The following NPIPB2 variants were observed in gnomAD, a reference collection of about 807,000 sequenced individuals.
NPIPB2 encodes nuclear pore complex-interacting protein family member B2.
Under a neutral mutation model 30.8 loss-of-function variants are expected in NPIPB2, and 27 were observed. That is an observed-to-expected ratio of 0.88 (90% CI 0.65 to 1.21). NPIPB2 has a LOEUF of 1.21. Among genes scored for constraint, NPIPB2 ranks in the 50% most tolerant of loss-of-function variants. NPIPB2 has a pLI of 0.00. For synonymous variants in NPIPB2, 147 were observed against 162.0 expected, an observed-to-expected ratio of 0.91 and a Z score of 0.70; for missense variants, 440 against 446.2, an observed-to-expected ratio of 0.99 and a Z score of 0.13.
At chr16:11,937,041 G>T (rs939491211) in intron 2 of NPIPB2, among the ~76,000 whole-genome samples, 9 of 151,724 alleles carry the variant, frequency 5.9e-5, no homozygotes, top group Non-Finnish European at 1.2e-4. Context: ...TCAGAAGAGG[G>T]TGCTCTTTAA....
chr16:11,966,444 G>A (rs11570150), intron 1 of NPIPB2: 12,829 of 1,208,622 alleles, frequency 0.011, 90 homozygotes, highest in Non-Finnish European at 0.012. Flanking sequence ...CTTCGTTACA[G>A]CCCTTTCGAA....
intron 1 of NPIPB2, among the ~76,000 whole-genome samples, chr16:11,938,750 C>A (rs2054900451): frequency 6.6e-6 from 1 of 152,006 alleles, no homozygotes; most frequent in Admixed American, 6.6e-5. Flanking sequence ...AAGTAATTAT[C>A]TTTTCTTTTT....
intron 1 of NPIPB2, among the ~76,000 whole-genome samples, chr16:11,960,859 TTTTC>T (rs1177990781): frequency 1.3e-5 from 2 of 151,694 alleles, no homozygotes; most frequent in African/African-American, 4.8e-5. Context: ...GGAGATTTTT[TTTTC>T]TTTCTTTTCT....
upstream of NPIPB2, among the ~76,000 whole-genome samples, chr16:11,945,436 G>A (rs1346438926): frequency 6.6e-6 from 1 of 152,006 alleles, no homozygotes; most frequent in African/African-American, 2.4e-5. Flanking sequence ...CACTTTGGGA[G>A]GCTGGGGTGG....
rs766087820 is a variant in NPIPB2 at position 11,934,226 on chromosome 16, TCACA to T, written c.193-306_193-303del. 7.8e-4 allele frequency among the ~76,000 whole-genome samples: 95 copies of T among 121,824 alleles called. 1 individual carries two copies. Among genetic ancestry groups the T allele is most frequent in the African/African-American group, 2.9e-3 (85 of 28,962 alleles). The allele number at this position is 121,824 out of a possible 152,430, so 79.9% of individuals were successfully genotyped here. ...GCCTGAGAGACAGAATGAGACTCTG[TCACA>T]CACACACACACACACACACACACAC... On this transcript the variant is annotated intron_variant, in intron 2 of 7. Transcript: ENST00000399147.
chr16:11,957,107 C>G (rs185048863), intron 1 of NPIPB2, among the ~76,000 whole-genome samples: 1 of 151,648 alleles, frequency 6.6e-6, no homozygotes, highest in Non-Finnish European at 1.5e-5. Flanking sequence ...ATTCTCCTGC[C>G]TCAGCCTCCA....
upstream of NPIPB2, among the ~76,000 whole-genome samples, chr16:11,945,776 G>GCCCT (rs974553487): frequency 6.6e-6 from 1 of 152,080 alleles, no homozygotes; most frequent in African/African-American, 2.4e-5. Flanking sequence ...GGACAGCTGT[G>GCCCT]CCCTCTCCTC....
chr16:11,946,946 C>T (rs1237434167), upstream of NPIPB2, among the ~76,000 whole-genome samples: 2 of 151,138 alleles, frequency 1.3e-5, no homozygotes, highest in African/African-American at 2.4e-5. Flanking sequence ...TCTCGAACTC[C>T]TGACCTGAGG....
At chr16:11,931,929 G>A (rs2054794740) in intron 4 of NPIPB2, among the ~76,000 whole-genome samples, 1 of 150,688 alleles carries the variant, frequency 6.6e-6, no homozygotes, top group Non-Finnish European at 1.5e-5. Context: ...ATTCCAGAAG[G>A]AACTACTGAG....
intron 2 of NPIPB2, among the ~76,000 whole-genome samples, chr16:11,935,791 C>T (rs1399399108): frequency 8.7e-6 from 1 of 114,482 alleles, no homozygotes; most frequent in Non-Finnish European, 1.8e-5. Flanking sequence ...AGGTAGCTGG[C>T]CCAGTTTGGA....
At chr16:11,965,166 G>A (rs1327782128) in intron 1 of NPIPB2, 1 of 844,486 alleles carries the variant, frequency 1.2e-6, no homozygotes, top group African/African-American at 1.7e-5. Flanking sequence ...CTGCCGCGAA[G>A]ACACAGACAG....
chr16:11,957,736 CCT>C (rs1268659007), intron 1 of NPIPB2, among the ~76,000 whole-genome samples: 1 of 152,112 alleles, frequency 6.6e-6, no homozygotes, highest in African/African-American at 2.4e-5. Context: ...ACACAGACAC[CCT>C]CTCTGAGTGT....
chr16:11,944,733 CAAAAAAAAAA>C (rs56283093), upstream of NPIPB2, among the ~76,000 whole-genome samples: 6 of 46,128 alleles, frequency 1.3e-4, no homozygotes, highest in African/African-American at 3.6e-4. Context: ...GACTCCGTGT[CAAAAAAAAAA>C]AAAAAAAAAA....
intron 1 of NPIPB2, 180 bp downstream of exon 1, chr16:11,941,803 C>T (rs1428870132): frequency 9.3e-6 from 12 of 1,293,528 alleles, no homozygotes; most frequent in Non-Finnish European, 1.2e-5. Flanking sequence ...CCACTCTCCT[C>T]CCAAGGACAG....
chr16:11,939,276 G>C (rs62040810), intron 1 of NPIPB2, among the ~76,000 whole-genome samples: 17,340 of 151,554 alleles, frequency 0.11, 1,301 homozygotes, highest in South Asian at 0.2. Flanking sequence ...AAATTAACAA[G>C]GTGGGCCGGG....
chr16:11,938,835 G>A (rs1028015189), intron 1 of NPIPB2, among the ~76,000 whole-genome samples: 2 of 152,092 alleles, frequency 1.3e-5, no homozygotes, highest in East Asian at 1.9e-4. Context: ...TGCAACCTCC[G>A]CCTCCCGGGT....
At chr16:11,939,568 A>T (rs2054911633) in intron 1 of NPIPB2, among the ~76,000 whole-genome samples, 1 of 133,526 alleles carries the variant, frequency 7.5e-6, no homozygotes, top group African/African-American at 2.6e-5. Flanking sequence ...TCAAAAAAAA[A>T]AAAAAAAAAA....
intron 1 of NPIPB2, among the ~76,000 whole-genome samples, chr16:11,955,928 A>T (rs898718934): frequency 6.6e-6 from 1 of 151,686 alleles, no homozygotes; most frequent in Admixed American, 6.6e-5. Context: ...TCACCCACTT[A>T]GATGACTCAG....
At chr16:11,950,457 A>C (rs1447233258) in intron 1 of NPIPB2, among the ~76,000 whole-genome samples, 1 of 152,144 alleles carries the variant, frequency 6.6e-6, no homozygotes, top group East Asian at 1.9e-4. Context: ...GGCCTGAACC[A>C]CCATGCCCGC....
Sources: gnomAD v4.1 joint callset for allele counts (sites outside exome capture counted in the v4.1 genomes callset) on GRCh38, gnomAD v4.1.1 for gene constraint, MANE v1.5 for transcripts, NCBI Gene and HGNC (gene_info 2026-07-23, HGNC 2026-07-21) for gene names.